RAB10: variants seen among roughly 807,000 people sequenced by gnomAD.
RAB10 encodes the protein ras-related protein Rab-10.
A neutral mutation model predicts 25.7 loss-of-function variants in RAB10; 5 were observed. The ratio of observed to expected loss-of-function variants is 0.19; its 90% CI spans 0.10 to 0.41. The LOEUF (loss-of-function observed/expected upper bound fraction) is 0.41, where lower values mean the gene tolerates loss of function less well. RAB10 is among the 10% of genes least tolerant of loss of function. The pLI is 1.00. For missense variants in RAB10, 103 were observed against 245.8 expected, an observed-to-expected ratio of 0.42 and a Z score of 3.89; for synonymous variants, 89 against 86.4, an observed-to-expected ratio of 1.03 and a Z score of -0.16.
chr2:26,062,421 T>TA (rs931681911), intron 1 of RAB10, among the ~76,000 whole-genome samples: 3 of 152,160 alleles, frequency 2.0e-5, no homozygotes, highest in African/African-American at 7.2e-5. Context: ...CTCATGCCTG[T>TA]AATCCCAGCA....
At chr2:26,086,837 C>T (rs750376363) in intron 1 of RAB10, among the ~76,000 whole-genome samples, 1 of 152,126 alleles carries the variant, frequency 6.6e-6, no homozygotes, top group African/African-American at 2.4e-5. Context: ...TACGGACGGA[C>T]CTTAAACATA....
At chr2:26,120,524 T>G (rs1224911282) in intron 3 of RAB10, among the ~76,000 whole-genome samples, 1 of 152,222 alleles carries the variant, frequency 6.6e-6, no homozygotes, top group African/African-American at 2.4e-5. Flanking sequence ...TGCCTTTGTT[T>G]TAGCAGTAAC....
chr2:26,111,450 C>G (rs1056352588), intron 3 of RAB10, among the ~76,000 whole-genome samples: 1 of 151,916 alleles, frequency 6.6e-6, no homozygotes, highest in African/African-American at 2.4e-5. Context: ...ACTAAAAATA[C>G]AAACTTAGCT....
At chr2:26,110,747 C>G (rs1038132027) in intron 3 of RAB10, among the ~76,000 whole-genome samples, 3 of 151,982 alleles carry the variant, frequency 2.0e-5, no homozygotes, top group Non-Finnish European at 4.4e-5. Context: ...ACTTCATCAC[C>G]CAGGCTGGAG....
At chr2:26,033,929 C>T (rs1665695070), upstream of RAB10, among the ~76,000 whole-genome samples, 2 of 152,356 alleles carry the variant, frequency 1.3e-5, no homozygotes, top group African/African-American at 4.8e-5. Context: ...TCGCCCCTCC[C>T]TTCTCCCCTC....
intron 1 of RAB10, among the ~76,000 whole-genome samples, chr2:26,069,518 T>C (rs1666580074): frequency 6.6e-6 from 1 of 151,638 alleles, no homozygotes; most frequent in East Asian, 2.0e-4. Flanking sequence ...ATACAAAAAT[T>C]AGCTGGGCAT....
intron 1 of RAB10, among the ~76,000 whole-genome samples, chr2:26,071,057 C>G (rs772055513): frequency 2.6e-5 from 4 of 152,128 alleles, no homozygotes; most frequent in African/African-American, 7.2e-5. Context: ...CATGTACTCA[C>G]AAGAGAAAAC....
intron 1 of RAB10, among the ~76,000 whole-genome samples, chr2:26,069,527 A>C (rs1387517692): frequency 1.3e-5 from 2 of 151,664 alleles, no homozygotes; most frequent in Non-Finnish European, 2.9e-5. Context: ...TTAGCTGGGC[A>C]TGGTGGTGGG....
intron 1 of RAB10, among the ~76,000 whole-genome samples, chr2:26,095,356 C>G (rs1460761186): frequency 2.0e-5 from 3 of 152,124 alleles, no homozygotes; most frequent in African/African-American, 4.8e-5. Flanking sequence ...GCCTATAATC[C>G]TAGCACTTTA....
intron 1 of RAB10, among the ~76,000 whole-genome samples, chr2:26,093,482 TCTG>T (rs1667150153): frequency 6.6e-6 from 1 of 152,226 alleles, no homozygotes; most frequent in South Asian, 2.1e-4. Context: ...CATATTTTCT[TCTG>T]AAGTTCGATT....
chr2:26,128,312 G>A (rs1016914016), intron 5 of RAB10, among the ~76,000 whole-genome samples: 1 of 152,174 alleles, frequency 6.6e-6, no homozygotes, highest in African/African-American at 2.4e-5. Flanking sequence ...AGGTAATAAT[G>A]CTCACTCACT....
intron 1 of RAB10, among the ~76,000 whole-genome samples, chr2:26,071,445 T>G (rs1666623962): frequency 6.6e-6 from 1 of 152,210 alleles, no homozygotes; most frequent in Non-Finnish European, 1.5e-5. Context: ...CCCAACACTT[T>G]GGGAGGCCAA....
intron 3 of RAB10, among the ~76,000 whole-genome samples, chr2:26,116,047 A>G (rs1667682426): frequency 6.6e-6 from 1 of 151,920 alleles, no homozygotes; most frequent in Non-Finnish European, 1.5e-5. Flanking sequence ...ATTTTTTAGT[A>G]GAGATGGGAT....
At chr2:26,047,528 C>T (rs756378205) in intron 1 of RAB10, among the ~76,000 whole-genome samples, 4 of 149,626 alleles carry the variant, frequency 2.7e-5, no homozygotes, top group Admixed American at 6.7e-5. Context: ...TGATTCTCCT[C>T]GCCTCAGCCT....
In RAB10 at chr2:26,034,632, G is replaced by A; in HGVS notation, c.24G>A (p.Leu8=). 1 of 1,614,028 alleles carries A rather than the reference G, an allele frequency of 6.2e-7. No homozygotes were observed. The highest frequency in any genetic ancestry group is 8.5e-7 in the Non-Finnish European group (1 of 1,180,038). ...CAATGGCGAAGAAGACGTACGACCT[G>A]CTTTTCAAGCTGCTCCTGATCGGGG... MAKKTYD[L]LFKLLLIGDS... is the part of the protein sequence containing the mutation. The change falls in exon 1 of 6, where the codon CTG becomes CTA. Residue 8 remains leucine (L), a synonymous_variant. Transcript: ENST00000264710.
intron 1 of RAB10, among the ~76,000 whole-genome samples, chr2:26,075,406 CT>C (rs1666711448): frequency 6.6e-6 from 1 of 152,124 alleles, no homozygotes; most frequent in African/African-American, 2.4e-5. Flanking sequence ...CCTCCTCCCT[CT>C]TTGTTGGAAT....
chr2:26,034,056 G>C (rs536696846), upstream of RAB10: 99 of 401,250 alleles, frequency 2.5e-4, no homozygotes, highest in African/African-American at 1.7e-3. Context: ...AGGGCGTGAG[G>C]GAAGGGCGGG....
chr2:26,042,061 A>AAT (rs1274054006), intron 1 of RAB10, among the ~76,000 whole-genome samples: 1 of 152,170 alleles, frequency 6.6e-6, no homozygotes, highest in African/African-American at 2.4e-5. Context: ...GTGATGTGGG[A>AAT]ATTACATGGA....
At chr2:26,047,723 G>GTT (rs34517359) in intron 1 of RAB10, among the ~76,000 whole-genome samples, 76,819 of 107,776 alleles carry the variant, frequency 0.71, 28,280 homozygotes, top group East Asian at 0.85. Flanking sequence ...TGCCTGGCCT[G>GTT]TTTTTTTTTT....
Sources: allele counts gnomAD v4.1 joint callset (sites outside exome capture counted in the v4.1 genomes callset), GRCh38; gene constraint gnomAD v4.1.1; transcripts MANE v1.5; gene names NCBI Gene and HGNC (gene_info 2026-07-23, HGNC 2026-07-21).